TM9SF4: variants seen among roughly 807,000 people sequenced by gnomAD.
TM9SF4 encodes transmembrane 9 superfamily member 4, also known as dinucleotide oxidase disulfide thiol exchanger 3 superfamily member 4.
In TM9SF4, 26 loss-of-function variants were observed where a neutral mutation model predicts 90.4. The observed-to-expected ratio is 0.29, with a 90% CI of 0.21 to 0.40. The LOEUF is 0.40. Ranked by LOEUF, TM9SF4 falls within the 10% of genes least tolerant of loss-of-function variation. TM9SF4 has a pLI of 1.00. For missense variants in TM9SF4, 549 were observed against 834.8 expected (o/e 0.66, Z 4.22); for synonymous variants, 293 against 315.4 (o/e 0.93, Z 0.75).
chr20:32,161,484 C>G (rs1344422038), intron 17 of TM9SF4, 119 bp downstream of exon 17: 5 of 820,222 alleles, frequency 6.1e-6, no homozygotes, highest in African/African-American at 3.4e-5. Flanking sequence ...ATGGGGAGGA[C>G]CAAAGCCACC....
In TM9SF4 at chr20:32,145,484, C is replaced by T; in HGVS notation, c.883+61C>T. On this transcript the variant is annotated intron_variant, in intron 8 of 17. Transcript: ENST00000398022. The stretch of plus-strand genomic sequence containing the variant: ...GGTTGGGGTTGAGGGACTGAGACAT[C>T]ACATCATGTATGGGGGACTTCCAGG... 2.7e-6 allele frequency: 4 copies of T among 1,456,502 alleles called. No homozygotes were observed. The East Asian group carries it at 9.1e-5, about 33-fold the overall frequency. The allele number at this position is 1,456,502 out of a possible 1,614,324, so 90.2% of individuals were successfully genotyped here. A position where few individuals can be genotyped will look rare whatever the true frequency, so the allele number is the denominator to read the frequency against.
In TM9SF4 at chr20:32,165,461, C is replaced by T. The variant is rs758698845; in HGVS notation, c.*17C>T. 8.1e-6 allele frequency: 13 copies of T among 1,612,808 alleles called. No homozygotes were observed. The South Asian group carries it at 1.2e-4, about 15-fold the overall frequency. On this transcript the variant is annotated 3_prime_UTR_variant, in exon 18 of 18. Transcript: ENST00000398022. The stretch of plus-strand genomic sequence containing the variant: ...ATAGACTGATTGGAGTGGACCACGG[C>T]CAAGCTTGCTCCGTCCTCGGACAGG...
intron 1 of TM9SF4, among the ~76,000 whole-genome samples, chr20:32,115,458 TC>T (rs1404120253): frequency 6.6e-6 from 1 of 152,214 alleles, no homozygotes; most frequent in Non-Finnish European, 1.5e-5. Context: ...CCTGCTTTGA[TC>T]CCTGAACCAT....
intron 13 of TM9SF4, among the ~76,000 whole-genome samples, chr20:32,157,378 T>A (rs770069121): frequency 2.6e-5 from 4 of 152,244 alleles, no homozygotes; most frequent in Non-Finnish European, 5.9e-5. Context: ...TATAGCCTCC[T>A]TTTTACACTT....
At chr20:32,146,552 C>T (rs529688314) in intron 8 of TM9SF4, among the ~76,000 whole-genome samples, 1 of 152,240 alleles carries the variant, frequency 6.6e-6, no homozygotes, top group Admixed American at 6.5e-5. Flanking sequence ...GATACCCCTA[C>T]CCATCCCAGC....
In TM9SF4 at chr20:32,149,871, C is replaced by G. The variant is rs1331534793; in HGVS notation, c.1087+105C>G. On this transcript the variant is annotated intron_variant, in intron 10 of 17. Transcript: ENST00000398022. ...CTCCCTGGAGAAAGGGAACCAAGCT[C>G]CTGGCACCAAGTGGGCATGTCAGTA... is the stretch of plus-strand genomic sequence containing the variant. 4 of 1,495,854 alleles carry G rather than the reference C, an allele frequency of 2.7e-6. No individual in the cohort carries two copies. In the East Asian group the frequency reaches 9.3e-5, roughly 35 times the overall value. The allele number at this position is 1,495,854 out of a possible 1,614,324, so 92.7% of individuals were successfully genotyped here.
At chr20:32,138,403 C>T (rs2046624163) in intron 3 of TM9SF4, among the ~76,000 whole-genome samples, 1 of 152,074 alleles carries the variant, frequency 6.6e-6, no homozygotes, top group Admixed American at 6.5e-5. Flanking sequence ...CCAGAGTAGG[C>T]GGATCACCTG....
chr20:32,146,692 G>A (rs911074996), intron 8 of TM9SF4, 93 bp from the exon 9 acceptor site: 10 of 1,287,332 alleles, frequency 7.8e-6, no homozygotes, highest in Non-Finnish European at 1.1e-5. Context: ...CATGCCAGCT[G>A]TCGCACAGTA....
intron 1 of TM9SF4, among the ~76,000 whole-genome samples, chr20:32,123,866 A>ATATATATATATATATTTTTTTTTTTT: frequency 2.0e-4 from 19 of 93,960 alleles, no homozygotes; most frequent in African/African-American, 8.2e-4. Flanking sequence ...ATATATATAT[A>ATATATATATATATATTTTTTTTTTTT]TTTTTTTTTT....
chr20:32,131,481 A>AGAGT (rs1555883167), intron 1 of TM9SF4, among the ~76,000 whole-genome samples: 1 of 147,556 alleles, frequency 6.8e-6, no homozygotes, highest in African/African-American at 2.5e-5. Flanking sequence ...GAGTCATCAG[A>AGAGT]GTGTGTGTGT....
chr20:32,114,867 A>G (rs532233853), intron 1 of TM9SF4, among the ~76,000 whole-genome samples: 2 of 152,288 alleles, frequency 1.3e-5, no homozygotes, highest in Admixed American at 6.5e-5. Flanking sequence ...GCCTGGGGCA[A>G]ATTACTTTGG....
At chr20:32,131,987 C>T (rs576923761) in intron 1 of TM9SF4, among the ~76,000 whole-genome samples, 19 of 152,222 alleles carry the variant, frequency 1.2e-4, no homozygotes, top group Admixed American at 1.0e-3. Context: ...TAGATAAGTC[C>T]ATGAGGAGAA....
chr20:32,150,639 A>T lies in TM9SF4; in HGVS notation c.1105A>T (p.Met369Leu), dbSNP rs2046828330. The change falls in exon 11 of 18, where the codon ATG becomes TTG. Residue 369 changes from methionine to leucine, a missense_variant. Physicochemically the swap from Met to Leu is conservative, Grantham distance 15. This residue lies in a region of TM9SF4 where 495 missense variants were observed against 711.7 expected (regional missense o/e 0.70). Coordinates refer to ENST00000398022, the MANE Select transcript of TM9SF4 (RefSeq NM_014742.4). ...LIVIFVAMLG[M>L]LSPSSRGALM... ...CTCCACAGTTGTAGCCATGCTTGGG[A>T]TGCTGTCGCCCTCCAGCCGGGGAGC... The T allele has an allele frequency of 6.2e-7, 1 of 1,613,900 alleles. No individual in the cohort carries two copies. Among genetic ancestry groups the T allele is most frequent in the Non-Finnish European group, 8.5e-7 (1 of 1,179,998 alleles).
At position 32,155,096 on chromosome 20, in the gene TM9SF4, G is replaced by C. The variant is rs201177901; in HGVS notation, c.1246-7G>C. ...GCTGCTCCTCAACCCGGCCCCTCTT[G>C]CTCCAGACGGCAACTCTGTACCCTG... is the stretch of plus-strand genomic sequence containing the variant. On this transcript the variant is annotated splice_region_variant and splice_polypyrimidine_tract_variant and intron_variant, in intron 12 of 17. Transcript: ENST00000398022. 3.7e-5 allele frequency: 60 copies of C among 1,613,974 alleles called. No individual in the cohort carries two copies. The African/African-American group carries it at 7.6e-4, about 20-fold the overall frequency.
In TM9SF4 at chr20:32,157,960, G is replaced by T. The variant is rs376319851; in HGVS notation, c.1496G>T (p.Arg499Leu). ...QIPEQRWYMN[R>L]FVGILMAGIL... is the part of the protein sequence containing the mutation. ...CCCGAGCAGCGGTGGTACATGAACC[G>T]ATTTGTGGGGTGAGTCCTCCAGCAG... Residue 499 changes from arginine (R) to leucine (L), a missense_variant, in exon 14 of 18, where the codon CGA becomes CTA. Around this residue, in one of 2 missense-constraint regions of TM9SF4, gnomAD observed 495 missense variants for 711.7 expected, o/e 0.70. Coordinates refer to ENST00000398022, the MANE Select transcript of TM9SF4 (RefSeq NM_014742.4). 11 of 1,613,968 alleles carry T rather than the reference G, an allele frequency of 6.8e-6. No homozygotes were observed. Among genetic ancestry groups the T allele is most frequent in the Non-Finnish European group, 9.3e-6 (11 of 1,180,010 alleles).
At chr20:32,141,277 G>C (rs2046673949) in intron 3 of TM9SF4, among the ~76,000 whole-genome samples, 1 of 151,664 alleles carries the variant, frequency 6.6e-6, no homozygotes, top group Non-Finnish European at 1.5e-5. Flanking sequence ...GTGCTAAGGG[G>C]TCTGGTAGCA....
At chr20:32,132,916 C>A in intron 1 of TM9SF4, 97 bp from the exon 2 acceptor site, 2 of 1,062,980 alleles carry the variant, frequency 1.9e-6, no homozygotes, top group South Asian at 3.0e-5. Context: ...TACACTGGGT[C>A]AATTAAAGCA....
intron 3 of TM9SF4, among the ~76,000 whole-genome samples, chr20:32,137,271 C>T (rs757001246): frequency 3.9e-5 from 6 of 152,196 alleles, no homozygotes; most frequent in African/African-American, 1.2e-4. Context: ...TGCCTCTCCC[C>T]GGGAAGCCTG....
intron 6 of TM9SF4, among the ~76,000 whole-genome samples, chr20:32,143,398 G>A (rs1282670596): frequency 1.3e-5 from 2 of 152,216 alleles, no homozygotes; most frequent in East Asian, 3.8e-4. Flanking sequence ...CTAGTGACTT[G>A]GCCAAGACCA....
Sources: gnomAD v4.1 joint callset for allele counts (sites outside exome capture counted in the v4.1 genomes callset) on GRCh38, gnomAD v4.1.1 for gene constraint, gnomAD v4.1.1 regional missense constraint, MANE v1.5 for transcripts, NCBI Gene and HGNC (gene_info 2026-07-23, HGNC 2026-07-21) for gene names.